Variants in IQUB observed in about 807,000 individuals in gnomAD.
IQUB encodes IQ motif and ubiquitin domain containing, also known as IQ motif and ubiquitin-like domain-containing protein.
A neutral mutation model predicts 86.4 loss-of-function variants in IQUB; 86 were observed. That is an observed-to-expected ratio of 1.00 (90% CI 0.84 to 1.19). IQUB has a LOEUF of 1.19. Ranked by LOEUF, IQUB falls within the 50% of genes most tolerant of loss-of-function variation. The pLI is 0.00. For synonymous variants in IQUB, 289 were observed against 304.5 expected, an observed-to-expected ratio of 0.95 and a Z score of 0.53; for missense variants, 946 against 916.9, an observed-to-expected ratio of 1.03 and a Z score of -0.41.
At position 123,501,747 on chromosome 7, in the gene IQUB, T is replaced by A. The variant is rs180955156; in HGVS notation, c.1023+850A>T. ...TCTACTTCACAGTCCAGACCTAATG[T>A]TGGCCCATTTATACACACCCTTGTT... On this transcript the variant is annotated intron_variant, in intron 6 of 12. Coordinates refer to ENST00000324698, the MANE Select transcript of IQUB (RefSeq NM_178827.5). 2.6e-5 allele frequency: 4 copies of A among 152,354 alleles called. No individual in the cohort carries two copies. In the East Asian group the frequency reaches 7.7e-4, roughly 29 times the overall value. The allele number at this position is 152,354 out of a possible 1,614,324, so 9.4% of individuals were successfully genotyped here.
chr7:123,499,671 T>C (rs1428411755), intron 6 of IQUB, among the ~76,000 whole-genome samples: 1 of 152,132 alleles, frequency 6.6e-6, no homozygotes, highest in East Asian at 1.9e-4. Flanking sequence ...TCTTGACTTA[T>C]TCATGGAAAC....
intron 1 of IQUB, chr7:123,532,567 G>A (rs1388213787): frequency 6.6e-6 from 1 of 152,030 alleles, no homozygotes; most frequent in Non-Finnish European, 1.5e-5. Flanking sequence ...GTAACTTCAA[G>A]ACAAAAAAGG....
Position 123,461,601 on chromosome 7 carries a change from G to A in IQUB, c.1763C>T (p.Pro588Leu), listed in dbSNP as rs752640622. Residue 588 changes from proline to leucine, a missense_variant, in exon 11 of 13, where the codon CCT becomes CTT. Pro to Leu is a moderately conservative substitution (Grantham distance 98). Coordinates refer to ENST00000324698, the MANE Select transcript of IQUB (RefSeq NM_178827.5). Reference sequence around the variant, plus strand: ...CTTATAAAATTTCAATGGGTCTTGAGGGACCTAAATAAATAGTAAAAAAAG... The same window carrying A: ...CTTATAAAATTTCAATGGGTCTTGAAGGACCTAAATAAATAGTAAAAAAAG... ...NPEVAKYLKV[P>L]QDPLKFYKKI... 31 of 1,596,910 alleles carry A rather than the reference G, an allele frequency of 1.9e-5. No homozygotes were observed. Among genetic ancestry groups the A allele is most frequent in the Non-Finnish European group, 2.6e-5 (30 of 1,172,712 alleles).
chr7:123,467,702 T>A (rs773913731), intron 9 of IQUB, among the ~76,000 whole-genome samples: 1 of 152,150 alleles, frequency 6.6e-6, no homozygotes, highest in Admixed American at 6.6e-5. Context: ...TTTCTTGACC[T>A]GTGGAGTAAG....
At chr7:123,462,785 T>C (rs934340954) in intron 10 of IQUB, 3 of 454,368 alleles carry the variant, frequency 6.6e-6, no homozygotes, top group Non-Finnish European at 1.3e-5. Context: ...GTCTCCATTA[T>C]AGATGGAGCA....
chr7:123,475,267 C>T (rs921784355), intron 8 of IQUB, among the ~76,000 whole-genome samples: 3 of 151,960 alleles, frequency 2.0e-5, no homozygotes, highest in East Asian at 3.8e-4. Flanking sequence ...TCAAATTCCA[C>T]CCCAACAGCT....
intron 3 of IQUB, among the ~76,000 whole-genome samples, chr7:123,505,912 A>G (rs1339654010): frequency 1.3e-5 from 2 of 152,210 alleles, no homozygotes; most frequent in Non-Finnish European, 2.9e-5. Context: ...CTTTTTAAAT[A>G]TACGTTCCAG....
At position 123,457,361 on chromosome 7, in the gene IQUB, A is replaced by G; in HGVS notation, c.2193+20T>C. ...TCCAATGATTAAATTAACTTCCCAAATAAAATTCAACTTTCTTACCTCTTC... is the reference window on the plus strand; with the variant it reads ...TCCAATGATTAAATTAACTTCCCAAGTAAAATTCAACTTTCTTACCTCTTC... On this transcript the variant is annotated intron_variant, in intron 12 of 12. Transcript: ENST00000324698. The G allele has an allele frequency of 6.2e-7, 1 of 1,603,148 alleles. No individual in the cohort carries two copies. The highest frequency in any genetic ancestry group is 1.7e-4 in the Middle Eastern group (1 of 5,912).
intron 7 of IQUB, among the ~76,000 whole-genome samples, chr7:123,485,114 C>T (rs1484055211): frequency 6.6e-6 from 1 of 152,034 alleles, no homozygotes; most frequent in East Asian, 1.9e-4. Flanking sequence ...TTTACTAGGG[C>T]TTCCATAACA....
At chr7:123,472,331 A>G (rs539944653) in intron 8 of IQUB, among the ~76,000 whole-genome samples, 1 of 152,318 alleles carries the variant, frequency 6.6e-6, no homozygotes, top group South Asian at 2.1e-4. Flanking sequence ...CACAGTGTCT[A>G]CAATACTCTT....
intron 3 of IQUB, among the ~76,000 whole-genome samples, chr7:123,509,441 T>A (rs924706459): frequency 3.9e-5 from 6 of 152,120 alleles, no homozygotes; most frequent in African/African-American, 1.2e-4. Context: ...GCTACCCATA[T>A]ATAATCTATT....
chr7:123,479,165 A>C (rs1012953821), intron 8 of IQUB, among the ~76,000 whole-genome samples: 4 of 152,144 alleles, frequency 2.6e-5, no homozygotes, highest in Non-Finnish European at 4.4e-5. Context: ...AGCTGAATTG[A>C]CTTTAAATTG....
chr7:123,518,751 G>A (rs940693710), intron 1 of IQUB, among the ~76,000 whole-genome samples: 1 of 151,618 alleles, frequency 6.6e-6, no homozygotes, highest in Non-Finnish European at 1.5e-5. Flanking sequence ...CCACCACCAC[G>A]CCTGGCTAAT....
At chr7:123,533,258 G>A (rs1797627260) in intron 1 of IQUB, among the ~76,000 whole-genome samples, 1 of 152,134 alleles carries the variant, frequency 6.6e-6, no homozygotes, top group Non-Finnish European at 1.5e-5. Context: ...GTATATATGT[G>A]TAAGTATACT....
intron 3 of IQUB, among the ~76,000 whole-genome samples, chr7:123,505,504 G>A (rs534320987): frequency 2.6e-5 from 4 of 152,222 alleles, no homozygotes; most frequent in African/African-American, 9.6e-5. Flanking sequence ...CTCAATTCTT[G>A]CCTTCTGTGC....
At chr7:123,453,036 C>CTT (rs887198821) in intron 12 of IQUB, 111 bp from the exon 13 acceptor site, 1 of 744,716 alleles carries the variant, frequency 1.3e-6, no homozygotes, top group Non-Finnish European at 2.1e-6. Context: ...CCCAGACTAC[C>CTT]TTTATTTTTC....
chr7:123,481,752 A>C (rs1265421871), intron 7 of IQUB, among the ~76,000 whole-genome samples: 1 of 152,074 alleles, frequency 6.6e-6, no homozygotes, highest in Non-Finnish European at 1.5e-5. Context: ...TCTTTGAAAA[A>C]CTTTCAGAAG....
At chr7:123,461,078 A>T (rs1793955937) in intron 11 of IQUB, among the ~76,000 whole-genome samples, 1 of 151,736 alleles carries the variant, frequency 6.6e-6, no homozygotes, top group East Asian at 1.9e-4. Context: ...ATTCGTAAAC[A>T]CTAGTATGTG....
intron 5 of IQUB, 50 bp from the exon 6 acceptor site, chr7:123,502,802 T>C (rs1192541134): frequency 2.1e-6 from 3 of 1,426,010 alleles, no homozygotes; most frequent in Non-Finnish European, 2.9e-6. Flanking sequence ...TATATATACA[T>C]AAGGGAGTTT....
Sources: gnomAD v4.1 joint callset for allele counts (sites outside exome capture counted in the v4.1 genomes callset) on GRCh38, gnomAD v4.1.1 for gene constraint, MANE v1.5 for transcripts, NCBI Gene and HGNC (gene_info 2026-07-23, HGNC 2026-07-21) for gene names.